Variants in MPP4 observed in about 807,000 individuals in gnomAD.
The protein encoded by MPP4 is MAGUK p55 scaffold protein 4, also known as MAGUK p55 subfamily member 4.
Under a neutral mutation model 98.3 loss-of-function variants are expected in MPP4, and 91 were observed. That is an observed-to-expected ratio of 0.93 (90% CI 0.78 to 1.10). The LOEUF (loss-of-function observed/expected upper bound fraction) is 1.10, where lower values mean the gene tolerates loss of function less well. Ranked by LOEUF, MPP4 falls within the 50% of genes least tolerant of loss-of-function variation. The pLI is 0.00. For missense variants in MPP4, 744 were observed against 792.9 expected (o/e 0.94, Z 0.74); for synonymous variants, 261 against 271.8 (o/e 0.96, Z 0.39).
At chr2:201,650,698 T>A in intron 18 of MPP4, 1 of 985,402 alleles carries the variant, frequency 1.0e-6, no homozygotes, top group Non-Finnish European at 1.2e-6. Flanking sequence ...CTCCTCTAGA[T>A]GAGTGTTTTT....
chr2:201,692,331 G>A (rs545912060), intron 3 of MPP4, among the ~76,000 whole-genome samples: 5 of 152,220 alleles, frequency 3.3e-5, no homozygotes, highest in Admixed American at 2.0e-4. Context: ...ATCACCTGAG[G>A]TCAGGAGTTT....
chr2:201,647,458 T>C (rs1328304752), intron 21 of MPP4, among the ~76,000 whole-genome samples: 1 of 152,162 alleles, frequency 6.6e-6, no homozygotes, highest in African/African-American at 2.4e-5. Context: ...AAGGGCATTA[T>C]CCATTAGAAA....
At chr2:201,653,981 C>G (rs994937915) in intron 18 of MPP4, among the ~76,000 whole-genome samples, 4 of 146,018 alleles carry the variant, frequency 2.7e-5, no homozygotes, top group African/African-American at 1.0e-4. Context: ...TAAGAAAACA[C>G]TTTTTTTTTT....
chr2:201,688,645 ACT>A (rs1688906115), intron 4 of MPP4, among the ~76,000 whole-genome samples: 1 of 151,954 alleles, frequency 6.6e-6, no homozygotes, highest in South Asian at 2.1e-4. Flanking sequence ...AGATAGTCTC[ACT>A]CTGTCACCCA....
In MPP4 at chr2:201,675,391, C is replaced by T. The variant is rs889113089; in HGVS notation, c.930-120G>A. ...GTTTCTTAGAATTCTGCTGCCTTCA[C>T]TCAAGTGAAAAGGGTGATTGCTTCT... On this transcript the variant is annotated intron_variant, in intron 10 of 21. Coordinates refer to ENST00000409474, the MANE Select transcript of MPP4 (RefSeq NM_033066.3). 19 of 1,006,562 alleles carry T rather than the reference C, an allele frequency of 1.9e-5. No homozygotes were observed. The East Asian group carries it at 2.9e-4, about 15-fold the overall frequency. The allele number at this position is 1,006,562 out of a possible 1,614,324, so 62.4% of individuals were successfully genotyped here. A position where few individuals can be genotyped will look rare whatever the true frequency, so the allele number is the denominator to read the frequency against.
chr2:201,649,285 GA>G (rs1314137351), intron 20 of MPP4, among the ~76,000 whole-genome samples: 1 of 152,118 alleles, frequency 6.6e-6, no homozygotes, highest in Non-Finnish European at 1.5e-5. Context: ...CACTCCACAA[GA>G]AGTTACTCTG....
At chr2:201,685,244 GC>G (rs1187438524) in intron 6 of MPP4, 99 bp from the exon 7 acceptor site, 2 of 166,846 alleles carry the variant, frequency 1.2e-5, no homozygotes, top group Non-Finnish European at 1.9e-5. Context: ...AATCAATGCA[GC>G]TCTGGTCTTT....
chr2:201,658,391 C>A, intron 16 of MPP4, 86 bp downstream of exon 16: 3 of 1,167,490 alleles, frequency 2.6e-6, no homozygotes, highest in Non-Finnish European at 3.7e-6. Context: ...TGTTCATTAG[C>A]AAAAGAAACT....
chr2:201,660,691 TC>T (rs1461354318), intron 14 of MPP4, among the ~76,000 whole-genome samples: 1 of 152,000 alleles, frequency 6.6e-6, no homozygotes, highest in Non-Finnish European at 1.5e-5. Context: ...GCCTTCTCCC[TC>T]CTCTCTCCCC....
At chr2:201,658,798 A>G (rs1687930535) in intron 15 of MPP4, among the ~76,000 whole-genome samples, 2 of 152,180 alleles carry the variant, frequency 1.3e-5, no homozygotes, top group South Asian at 2.1e-4. Flanking sequence ...ATTTTTTAAG[A>G]TAAGTTTCCT....
intron 2 of MPP4, 119 bp downstream of exon 2, chr2:201,693,757 T>C (rs1383478871): frequency 9.5e-6 from 12 of 1,258,722 alleles, no homozygotes; most frequent in Non-Finnish European, 1.4e-5. Flanking sequence ...CAACCAAAAA[T>C]GTACAAGATC....
intron 10 of MPP4, among the ~76,000 whole-genome samples, chr2:201,676,109 G>A (rs539651369): frequency 6.6e-6 from 1 of 152,326 alleles, no homozygotes; most frequent in South Asian, 2.1e-4. Context: ...CATCTGAGGT[G>A]TTTGTTAAAA....
At chr2:201,671,580 A>T (rs1288971431) in intron 11 of MPP4, among the ~76,000 whole-genome samples, 1 of 152,182 alleles carries the variant, frequency 6.6e-6, no homozygotes, top group Non-Finnish European at 1.5e-5. Context: ...TGGAAAGCAA[A>T]AAAAAGCAGG....
chr2:201,669,900 G>C (rs1452865937), intron 11 of MPP4, 150 bp from the exon 12 acceptor site: 1 of 526,846 alleles, frequency 1.9e-6, no homozygotes, highest in African/African-American at 2.0e-5. Context: ...ATTCAGGGAA[G>C]ATTTAGTAAG....
chr2:201,698,562 A>C, intron 1 of MPP4, 25 bp downstream of exon 1: 3 of 1,302,578 alleles, frequency 2.3e-6, no homozygotes, highest in Non-Finnish European at 3.0e-6. Flanking sequence ...CTGGTAACTG[A>C]GGATTATTTG....
At chr2:201,687,115 C>T (rs549892117) in intron 5 of MPP4, among the ~76,000 whole-genome samples, 176 bp downstream of exon 5, 54 of 152,324 alleles carry the variant, frequency 3.5e-4, no homozygotes, top group African/African-American at 1.3e-3. Context: ...TGATTGACAA[C>T]ACTGAGCTAG....
intron 14 of MPP4, among the ~76,000 whole-genome samples, chr2:201,663,487 G>A (rs1363075907): frequency 1.3e-5 from 2 of 152,146 alleles, no homozygotes; most frequent in Non-Finnish European, 2.9e-5. Context: ...AGGTCAAGGT[G>A]GGAGAACCAC....
chr2:201,647,093 C>T (rs1687578650), intron 21 of MPP4, among the ~76,000 whole-genome samples: 1 of 150,066 alleles, frequency 6.7e-6, no homozygotes, highest in Non-Finnish European at 1.5e-5. Context: ...ATATTTAAAG[C>T]ATATTTAATG....
At chr2:201,689,338 CA>C (rs1688934351) in intron 4 of MPP4, among the ~76,000 whole-genome samples, 1 of 151,886 alleles carries the variant, frequency 6.6e-6, no homozygotes, top group Non-Finnish European at 1.5e-5. Context: ...AACAAAAAAG[CA>C]AAACAAAAAA....
Sources: gnomAD v4.1 joint callset for allele counts (sites outside exome capture counted in the v4.1 genomes callset) on GRCh38, gnomAD v4.1.1 for gene constraint, MANE v1.5 for transcripts, NCBI Gene and HGNC (gene_info 2026-07-23, HGNC 2026-07-21) for gene names.